Variants in LRRN1 observed in about 807,000 individuals in gnomAD.
LRRN1 encodes the protein leucine-rich repeat neuronal protein 1.
Under a neutral mutation model 45.8 loss-of-function variants are expected in LRRN1, and 14 were observed. That is an observed-to-expected ratio of 0.31 (90% CI 0.20 to 0.48). LRRN1 has a LOEUF of 0.48. Ranked by LOEUF, LRRN1 falls within the 20% of genes least tolerant of loss-of-function variation. The pLI is 0.99. For synonymous variants in LRRN1, 359 were observed against 330.1 expected (o/e 1.09, Z -0.95); for missense variants, 789 against 874.2 (o/e 0.90, Z 1.23).
chr3:3,844,978 G>A lies in LRRN1; in HGVS notation c.337G>A (p.Val113Ile), dbSNP rs778114326. The A allele has an allele frequency of 1.2e-6, 2 of 1,614,094 alleles. No individual in the cohort carries two copies. The highest frequency in any genetic ancestry group is 2.2e-5 in the East Asian group (1 of 44,846). The stretch of plus-strand genomic sequence containing the variant: ...AAACAACTTTACTAACATTAAGGAG[G>A]TCGGGCTGGCAAACCTAACCCAGCT... ...SQNNFTNIKE[V>I]GLANLTQLTT... is the part of the protein sequence containing the mutation. Residue 113 changes from valine to isoleucine, a missense_variant, in exon 2 of 2, where the codon GTC (valine) becomes ATC (isoleucine). Val to Ile is a conservative substitution (Grantham distance 29). Coordinates refer to ENST00000319331, the MANE Select transcript of LRRN1 (RefSeq NM_020873.7).
intron 1 of LRRN1, among the ~76,000 whole-genome samples, chr3:3,842,490 A>C (rs1693672045): frequency 6.6e-6 from 1 of 152,072 alleles, no homozygotes; most frequent in Admixed American, 6.6e-5. Flanking sequence ...TACTGTGAAA[A>C]TATGACTCAT....
At chr3:3,841,764 CCT>C (rs1693658558) in intron 1 of LRRN1, among the ~76,000 whole-genome samples, 2 of 152,134 alleles carry the variant, frequency 1.3e-5, no homozygotes, top group African/African-American at 4.8e-5. Context: ...TGATCTGCCC[CCT>C]GCCAGCCTCC....
At position 3,819,630 on chromosome 3, in the gene LRRN1, G is replaced by T. The variant is rs1343032749; in HGVS notation, c.-279+19711G>T. Among the ~76,000 whole-genome samples the T allele has an allele frequency of 2.0e-5, 3 of 152,134 alleles. 1 individual carries two copies. The highest frequency in any genetic ancestry group is 4.4e-5 in the Non-Finnish European group (3 of 68,030). On this transcript the variant is annotated intron_variant, in intron 1 of 1. Transcript: ENST00000319331. ...TTTCCCTCGTCTTTAAAGGACACCA[G>T]TCATATTGGATTAGGGGCCTAGCCT... is the stretch of plus-strand genomic sequence containing the variant.
At chr3:3,808,095 C>A (rs773696188) in intron 1 of LRRN1, among the ~76,000 whole-genome samples, 2 of 152,146 alleles carry the variant, frequency 1.3e-5, no homozygotes, top group Non-Finnish European at 2.9e-5. Context: ...AACAAGTTCC[C>A]AAATGGCTTC....
At chr3:3,843,578 C>CCA (rs1553563708) in intron 1 of LRRN1, among the ~76,000 whole-genome samples, 9 of 151,824 alleles carry the variant, frequency 5.9e-5, no homozygotes, top group African/African-American at 1.7e-4. Flanking sequence ...TACCCCCCCC[C>CCA]ATACCCCTGG....
intron 1 of LRRN1, among the ~76,000 whole-genome samples, chr3:3,821,382 C>T (rs1156872190): frequency 6.6e-6 from 1 of 152,160 alleles, no homozygotes; most frequent in South Asian, 2.1e-4. Context: ...ATAGAGCAAA[C>T]ACAAATTAGT....
At position 3,848,235 on chromosome 3, in the gene LRRN1, T is replaced by A. The variant is rs1340441871; in HGVS notation, c.*1443T>A. 6.6e-6 allele frequency among the ~76,000 whole-genome samples: 1 copy of A among 152,184 alleles called. No homozygotes were observed. Among genetic ancestry groups the A allele is most frequent in the Admixed American group, 6.5e-5 (1 of 15,272 alleles). ...AGAAAACAAAACAACTTCCGTACAG[T>A]TCAAACTTTTCATCCAAATATATAT... On this transcript the variant is annotated 3_prime_UTR_variant, in exon 2 of 2. Transcript: ENST00000319331.
At chr3:3,823,823 G>T (rs1693159283) in intron 1 of LRRN1, among the ~76,000 whole-genome samples, 1 of 152,076 alleles carries the variant, frequency 6.6e-6, no homozygotes, top group Non-Finnish European at 1.5e-5. Context: ...CTGGGAGCAA[G>T]TGTTTTGCTC....
At chr3:3,822,966 C>A (rs1036260674) in intron 1 of LRRN1, 8 of 152,106 alleles carry the variant, frequency 5.3e-5, no homozygotes, top group African/African-American at 1.7e-4. Flanking sequence ...TTCCATGAAA[C>A]CTGCTTTAAA....
Position 3,844,853 on chromosome 3 carries a change from C to T in LRRN1, c.212C>T (p.Ser71Phe). 6.2e-7 allele frequency: 1 copy of T among 1,614,200 alleles called. No homozygotes were observed. Among genetic ancestry groups the T allele is most frequent in the Non-Finnish European group, 8.5e-7 (1 of 1,180,028 alleles). Residue 71 changes from serine (S) to phenylalanine (F), a missense_variant, in exon 2 of 2, where the codon TCT (serine) becomes TTT (phenylalanine). Ser to Phe is a radical substitution (Grantham distance 155, BLOSUM62 -2). Coordinates refer to ENST00000319331, the MANE Select transcript of LRRN1 (RefSeq NM_020873.7). ...TTAACAAGGATTCCCAGTAACCTCT[C>T]TAGTGACACACAAGTGCTTCTCTTA... ...LRLTRIPSNL[S>F]SDTQVLLLQS...
intron 1 of LRRN1, among the ~76,000 whole-genome samples, chr3:3,827,814 G>A (rs1203674823): frequency 6.6e-6 from 1 of 152,062 alleles, no homozygotes; most frequent in Non-Finnish European, 1.5e-5. Context: ...CAGGTTGGAG[G>A]TTTGTGTTTT....
chr3:3,839,895 T>G (rs1039824586), intron 1 of LRRN1, among the ~76,000 whole-genome samples: 4 of 152,160 alleles, frequency 2.6e-5, no homozygotes, highest in Non-Finnish European at 4.4e-5. Flanking sequence ...TCTTTAGGAT[T>G]TTCTGTATAT....
intron 1 of LRRN1, chr3:3,827,362 T>C (rs1693245076): frequency 1.3e-5 from 6 of 450,352 alleles, no homozygotes; most frequent in South Asian, 7.8e-5. Context: ...CAATCAGCAC[T>C]GGGGCCTGTA....
intron 1 of LRRN1, among the ~76,000 whole-genome samples, chr3:3,818,721 A>G (rs1433902735): frequency 1.3e-5 from 2 of 152,152 alleles, no homozygotes; most frequent in Non-Finnish European, 2.9e-5. Flanking sequence ...TTGAATAATT[A>G]TAAGTTTAGC....
chr3:3,837,345 T>TG, intron 1 of LRRN1, among the ~76,000 whole-genome samples: 1 of 152,194 alleles, frequency 6.6e-6, no homozygotes, highest in African/African-American at 2.4e-5. Flanking sequence ...CCCCCCCATT[T>TG]TATAACCCCA....
At chr3:3,839,200 C>G (rs974952157) in intron 1 of LRRN1, among the ~76,000 whole-genome samples, 1 of 152,068 alleles carries the variant, frequency 6.6e-6, no homozygotes, top group Non-Finnish European at 1.5e-5. Flanking sequence ...GGTAAGAGTA[C>G]AACCTCATTC....
In LRRN1 at chr3:3,799,550, G is replaced by T. The variant is rs1575273402; in HGVS notation, c.-648G>T. ...GAGAGGGGCCGACGGCGTCAGCCCG[G>T]GCGGCGGCATCCCTAGGCGCCTGGG... On this transcript the variant is annotated 5_prime_UTR_variant, in exon 1 of 2. Coordinates refer to ENST00000319331, the MANE Select transcript of LRRN1 (RefSeq NM_020873.7). The T allele has an allele frequency of 6.6e-6, 1 of 152,182 alleles. No individual in the cohort carries two copies. Among genetic ancestry groups the T allele is most frequent in the Non-Finnish European group, 1.5e-5 (1 of 68,012 alleles). The allele number at this position is 152,182 out of a possible 1,614,324, so 9.4% of individuals were successfully genotyped here. A position where few individuals can be genotyped will look rare whatever the true frequency, so the allele number is the denominator to read the frequency against.
intron 1 of LRRN1, among the ~76,000 whole-genome samples, chr3:3,819,677 C>T (rs2106457605): frequency 6.6e-6 from 1 of 152,312 alleles, no homozygotes; most frequent in East Asian, 1.9e-4. Flanking sequence ...CAGTAGTCTA[C>T]TCCTCATCTA....
At chr3:3,809,585 C>A (rs1329517288) in intron 1 of LRRN1, among the ~76,000 whole-genome samples, 1 of 152,202 alleles carries the variant, frequency 6.6e-6, no homozygotes. Context: ...ATGTGTCAGT[C>A]ATTGCCGTAG....
Sources: gnomAD v4.1 joint callset for allele counts (sites outside exome capture counted in the v4.1 genomes callset) on GRCh38, gnomAD v4.1.1 for gene constraint, MANE v1.5 for transcripts, NCBI Gene and HGNC (gene_info 2026-07-23, HGNC 2026-07-21) for gene names.